Variants in LRRC63 observed in about 807,000 individuals in gnomAD.
LRRC63 encodes leucine rich repeat containing 63.
In LRRC63, 40 loss-of-function variants were observed where a neutral mutation model predicts 49.5. That is an observed-to-expected ratio of 0.81 (90% CI 0.63 to 1.05). The LOEUF is 1.05. Among genes scored for constraint, LRRC63 ranks in the 50% least tolerant of loss-of-function variants. The pLI, the probability that LRRC63 is intolerant of heterozygous loss-of-function variation, is 0.00. For synonymous variants in LRRC63, 191 were observed against 221.1 expected (o/e 0.86, Z 1.21); for missense variants, 636 against 663.1 (o/e 0.96, Z 0.45).
chr13:46,276,762 A>C (rs1384057136), exon 10 of LRRC63: 1 of 1,222,180 alleles, frequency 8.2e-7, no homozygotes, highest in Non-Finnish European at 1.0e-6. Context: ...TAGTCCTAGT[A>C]GAAGAATAGC....
At chr13:46,247,415 C>A (rs1441042709) in intron 6 of LRRC63, among the ~76,000 whole-genome samples, 1 of 152,008 alleles carries the variant, frequency 6.6e-6, no homozygotes, top group Non-Finnish European at 1.5e-5. Flanking sequence ...ACTAATTTAA[C>A]CTTTCTTCTA....
chr13:46,262,026 C>T (rs2047622638), intron 8 of LRRC63, 34 bp downstream of exon 8: 2 of 620,694 alleles, frequency 3.2e-6, no homozygotes, highest in South Asian at 1.6e-4. Flanking sequence ...TTATATGCCC[C>T]TTAATTATAT....
intron 7 of LRRC63, among the ~76,000 whole-genome samples, chr13:46,260,521 G>A (rs1424522317): frequency 6.6e-6 from 1 of 152,134 alleles, no homozygotes; most frequent in Non-Finnish European, 1.5e-5. Context: ...AATTGAATCC[G>A]TGCCCTCTAG....
chr13:46,247,616 G>A (rs1208812814), intron 6 of LRRC63, among the ~76,000 whole-genome samples: 4 of 152,146 alleles, frequency 2.6e-5, no homozygotes, highest in African/African-American at 9.7e-5. Context: ...AATGAAGATG[G>A]TAATATCTAA....
chr13:46,239,718 A>G (rs985660788), intron 5 of LRRC63, among the ~76,000 whole-genome samples: 5 of 152,196 alleles, frequency 3.3e-5, no homozygotes, highest in African/African-American at 1.2e-4. Flanking sequence ...CTTTAGGCCA[A>G]TATTCTTGAT....
In LRRC63 at chr13:46,233,533, G is replaced by A. The variant is rs1056246491; in HGVS notation, c.833-659G>A. 2.6e-5 allele frequency among the ~76,000 whole-genome samples: 4 copies of A among 152,154 alleles called. No homozygotes were observed. The East Asian group carries it at 5.8e-4, about 22-fold the overall frequency. ...TGCAAACAATGCAGCAATAATGGCT[G>A]CAAAAGTAAAATATATAAAATTTTA... is the stretch of plus-strand genomic sequence containing the variant. On this transcript the variant is annotated intron_variant, in intron 4 of 9. Transcript: ENST00000595396.
intron 2 of LRRC63, among the ~76,000 whole-genome samples, chr13:46,213,386 T>C (rs1156681029): frequency 1.3e-5 from 2 of 152,246 alleles, no homozygotes; most frequent in Admixed American, 6.5e-5. Context: ...TGCGTGGATA[T>C]GTGCAGAGCA....
intron 5 of LRRC63, among the ~76,000 whole-genome samples, chr13:46,243,733 TC>T (rs1437346825): frequency 6.6e-6 from 1 of 152,160 alleles, no homozygotes; most frequent in Non-Finnish European, 1.5e-5. Context: ...TACCTCGGCC[TC>T]CCAAAGTGCT....
chr13:46,214,016 T>G (rs2046173402), intron 2 of LRRC63, among the ~76,000 whole-genome samples: 1 of 152,242 alleles, frequency 6.6e-6, no homozygotes, highest in Non-Finnish European at 1.5e-5. Context: ...TGATAAGTGC[T>G]ATGAAGTAAA....
chr13:46,251,706 T>A (rs895413337), intron 7 of LRRC63, among the ~76,000 whole-genome samples: 1 of 151,896 alleles, frequency 6.6e-6, no homozygotes, highest in Non-Finnish European at 1.5e-5. Flanking sequence ...CAAACACATA[T>A]ACAATTACAT....
intron 2 of LRRC63, among the ~76,000 whole-genome samples, chr13:46,225,308 A>G (rs919621748): frequency 6.6e-6 from 1 of 152,206 alleles, no homozygotes; most frequent in African/African-American, 2.4e-5. Context: ...GATCCCAGGC[A>G]TGCAGGCCAT....
At chr13:46,257,819 A>C (rs1187591699) in intron 7 of LRRC63, among the ~76,000 whole-genome samples, 1 of 152,144 alleles carries the variant, frequency 6.6e-6, no homozygotes, top group African/African-American at 2.4e-5. Context: ...ATGGTTGTTT[A>C]TTTTGGTGGC....
intron 9 of LRRC63, among the ~76,000 whole-genome samples, chr13:46,267,589 G>T (rs1385665360): frequency 6.6e-6 from 1 of 152,060 alleles, no homozygotes; most frequent in African/African-American, 2.4e-5. Context: ...GGCTTCCCAG[G>T]AATACATAAA....
intron 4 of LRRC63, among the ~76,000 whole-genome samples, chr13:46,232,843 A>T (rs528995434): frequency 6.6e-6 from 1 of 152,374 alleles, no homozygotes; most frequent in East Asian, 1.9e-4. Flanking sequence ...TTTAAAAGTA[A>T]CTATGATTAC....
chr13:46,240,933 C>T (rs1413652006), intron 5 of LRRC63, among the ~76,000 whole-genome samples: 2 of 152,172 alleles, frequency 1.3e-5, no homozygotes, highest in Non-Finnish European at 2.9e-5. Flanking sequence ...AGATTGAATG[C>T]TATTCCTGTT....
chr13:46,271,248 G>C (rs1219375022), intron 9 of LRRC63, among the ~76,000 whole-genome samples: 1 of 152,132 alleles, frequency 6.6e-6, no homozygotes, highest in Admixed American at 6.5e-5. Context: ...ACCTACTTCT[G>C]TTTGAACATT....
intron 7 of LRRC63, among the ~76,000 whole-genome samples, chr13:46,260,020 G>A (rs948026704): frequency 5.3e-5 from 8 of 152,144 alleles, no homozygotes; most frequent in African/African-American, 1.9e-4. Flanking sequence ...GTACTGGTGG[G>A]ACATAGAGTA....
At chr13:46,213,253 C>A in intron 2 of LRRC63, 134 bp downstream of exon 2, 1 of 609,402 alleles carries the variant, frequency 1.6e-6, no homozygotes, top group Non-Finnish European at 2.8e-6. Flanking sequence ...GTGATAACAT[C>A]CAATTCAATT....
chr13:46,244,422 A>T (rs1203609928), intron 5 of LRRC63, among the ~76,000 whole-genome samples: 1 of 152,196 alleles, frequency 6.6e-6, no homozygotes, highest in East Asian at 1.9e-4. Flanking sequence ...AGTCATTTTT[A>T]AAAAGTGGTG....
Sources: allele counts gnomAD v4.1 joint callset (sites outside exome capture counted in the v4.1 genomes callset), GRCh38; gene constraint gnomAD v4.1.1; transcripts MANE v1.5; gene names NCBI Gene and HGNC (gene_info 2026-07-23, HGNC 2026-07-21).